Variants in GYPB observed in about 807,000 individuals in gnomAD.
GYPB encodes the protein glycophorin-B.
In GYPB, 13 loss-of-function variants were observed where a neutral mutation model predicts 15.3. The observed-to-expected ratio is 0.85, with a 90% CI of 0.55 to 1.35. The LOEUF is 1.35. Among genes scored for constraint, GYPB ranks in the 40% most tolerant of loss-of-function variants. The pLI is 0.00. For synonymous variants in GYPB, 38 were observed against 36.9 expected (o/e 1.03, Z -0.11); for missense variants, 131 against 108.3 (o/e 1.21, Z -0.93).
chr4:144,009,592 TTTTTC>T (rs1366446185), intron 1 of GYPB, among the ~76,000 whole-genome samples: 64 of 138,584 alleles, frequency 4.6e-4, no homozygotes, highest in Non-Finnish European at 8.3e-4. Context: ...ATTTTGATTT[TTTTTC>T]TTTCTTTTTT....
At chr4:143,997,917 G>A (rs1291741187) in intron 3 of GYPB, among the ~76,000 whole-genome samples, 1 of 151,274 alleles carries the variant, frequency 6.6e-6, no homozygotes, top group Non-Finnish European at 1.5e-5. Flanking sequence ...TTCTTCACTA[G>A]TGTAACTGTA....
chr4:144,001,254 T>A lies in GYPB; in HGVS notation c.67A>T (p.Thr23Ser), dbSNP rs189456867. Residue 23 changes from threonine to serine, a missense_variant, in exon 2 of 5, where the codon ACT becomes TCT. Physicochemically the swap from Thr to Ser is moderately conservative, Grantham distance 58. Transcript: ENST00000502664. ...GTTGAAGTGTGCATTGCCACCTCAGTGGTACTTAATGCTGATATGCTCACA... is the reference window on the plus strand; with the variant it reads ...GTTGAAGTGTGCATTGCCACCTCAGAGGTACTTAATGCTGATATGCTCACA... The part of the protein sequence containing the change: ...EIVSISALST[T>S]EVAMHTSTSS... The A allele has an allele frequency of 1.7e-3, 2,720 of 1,611,142 alleles. 205 individuals carry two copies. The African/African-American group carries it at 0.034, about 20-fold the overall frequency.
At chr4:143,999,776 TG>T (rs1158179056) in intron 2 of GYPB, among the ~76,000 whole-genome samples, 8 of 151,338 alleles carry the variant, frequency 5.3e-5, no homozygotes, top group Non-Finnish European at 7.4e-5. Context: ...TTTTAAAACA[TG>T]TAAAAAATAA....
At position 144,000,669 on chromosome 4, in the gene GYPB, A is replaced by T. The variant is rs971608740; in HGVS notation, c.136+516T>A. On this transcript the variant is annotated intron_variant, in intron 2 of 4. Coordinates refer to ENST00000502664, the MANE Select transcript of GYPB (RefSeq NM_002100.6). ...CAGCACCCAGCTTTGCTTATTGTTT[A>T]TCAGTCACTGAGAATGTGTGAGGCT... Among the ~76,000 whole-genome samples, 2 of 151,256 alleles carry T rather than the reference A, an allele frequency of 1.3e-5. 1 individual carries two copies. Among genetic ancestry groups the T allele is most frequent in the African/African-American group, 4.9e-5 (2 of 40,574 alleles).
intron 1 of GYPB, chr4:144,012,801 T>C (rs1369667079): frequency 6.6e-6 from 1 of 151,392 alleles, no homozygotes; most frequent in Non-Finnish European, 1.5e-5. Flanking sequence ...TATAGAAAAA[T>C]TAACTGATAA....
At chr4:144,002,463 G>A (rs1181298745) in intron 1 of GYPB, 10 of 484,922 alleles carry the variant, frequency 2.1e-5, no homozygotes, top group Non-Finnish European at 3.1e-5. Flanking sequence ...TGAATGTTCT[G>A]TGGTTTATAT....
intron 1 of GYPB, 102 bp from the exon 2 acceptor site, chr4:144,001,385 C>G: frequency 2.5e-6 from 4 of 1,589,014 alleles, no homozygotes; most frequent in Non-Finnish European, 3.4e-6. Flanking sequence ...CCTCCAGTCC[C>G]TGAGCTAAGC....
At chr4:143,996,788 AAC>A in intron 4 of GYPB, among the ~76,000 whole-genome samples, 1 of 76,152 alleles carries the variant, frequency 1.3e-5, no homozygotes, top group Non-Finnish European at 2.8e-5. Flanking sequence ...AAATTTAAAA[AAC>A]TTTAATGATT....
At chr4:144,004,922 G>T (rs546468608) in intron 1 of GYPB, among the ~76,000 whole-genome samples, 1 of 151,832 alleles carries the variant, frequency 6.6e-6, no homozygotes, top group Non-Finnish European at 1.5e-5. Context: ...AAACTGGGTA[G>T]AAAGCATTTA....
Position 143,999,859 on chromosome 4 carries a change from G to A in GYPB, c.137-410C>T, listed in dbSNP as rs146281810. 1.1e-3 allele frequency among the ~76,000 whole-genome samples: 164 copies of A among 151,592 alleles called. 5 individuals carry two copies. The highest frequency in any genetic ancestry group is 3.8e-3 in the African/African-American group (154 of 40,878). Reference sequence around the variant, plus strand: ...GTCCCATGCAAAGAAGGGTCATGCGGCTATCAATTTTCTGATTTATGCCAT... The same window carrying A: ...GTCCCATGCAAAGAAGGGTCATGCGACTATCAATTTTCTGATTTATGCCAT... On this transcript the variant is annotated intron_variant, in intron 2 of 4. Coordinates refer to ENST00000502664, the MANE Select transcript of GYPB (RefSeq NM_002100.6).
At chr4:144,001,091 G>C (rs938555335) in intron 2 of GYPB, 94 bp downstream of exon 2, 10 of 1,598,948 alleles carry the variant, frequency 6.3e-6, no homozygotes, top group Non-Finnish European at 8.5e-6. Context: ...CTCAGTGTTT[G>C]TCAGTTTCTC....
intron 1 of GYPB, among the ~76,000 whole-genome samples, chr4:144,004,178 G>T (rs1727763664): frequency 6.6e-6 from 1 of 151,790 alleles, no homozygotes; most frequent in Admixed American, 6.5e-5. Flanking sequence ...ACTTCTTATA[G>T]TCACCTAAAT....
At chr4:143,996,372 G>T in intron 4 of GYPB, 68 bp from the exon 5 acceptor site, 1 of 1,549,382 alleles carries the variant, frequency 6.5e-7, no homozygotes, top group Non-Finnish European at 8.7e-7. Flanking sequence ...CTCCACTTCA[G>T]CCTCTGATTG....
At chr4:144,013,313 T>A (rs1728317557) in intron 1 of GYPB, among the ~76,000 whole-genome samples, 1 of 150,968 alleles carries the variant, frequency 6.6e-6, no homozygotes, top group Admixed American at 6.6e-5. Context: ...ACTTTTACAC[T>A]GTTGGTGGGA....
At position 144,018,852 on chromosome 4, in the gene GYPB, C is replaced by T. The variant is rs373368552; in HGVS notation, c.37+399G>A. On this transcript the variant is annotated intron_variant, in intron 1 of 4. Coordinates refer to ENST00000502664, the MANE Select transcript of GYPB (RefSeq NM_002100.6). ...ATTTGGCAGAAATAGGAAATTACAC[C>T]TTTTGAAAACTAAAAGCCATATAGC... is the stretch of plus-strand genomic sequence containing the variant. Among the ~76,000 whole-genome samples the T allele has an allele frequency of 3.3e-5, 5 of 151,248 alleles. No individual in the cohort carries two copies. The East Asian group carries it at 9.7e-4, about 29-fold the overall frequency.
At chr4:144,010,783 G>A (rs1728176887) in intron 1 of GYPB, among the ~76,000 whole-genome samples, 1 of 151,374 alleles carries the variant, frequency 6.6e-6, no homozygotes, top group African/African-American at 2.5e-5. Flanking sequence ...TCTAGCTCCA[G>A]AAAGTCTAAG....
At chr4:144,005,812 C>A (rs1436448098) in intron 1 of GYPB, among the ~76,000 whole-genome samples, 1 of 151,628 alleles carries the variant, frequency 6.6e-6, no homozygotes, top group Non-Finnish European at 1.5e-5. Context: ...AAGACCTTAC[C>A]CCATGCCTAC....
intron 4 of GYPB, among the ~76,000 whole-genome samples, chr4:143,996,968 A>G (rs1172071756): frequency 2.0e-5 from 3 of 150,972 alleles, no homozygotes; most frequent in Non-Finnish European, 4.4e-5. Context: ...GTGCAGTAGC[A>G]TGATCACAGC....
chr4:144,012,872 G>A (rs1255100420), intron 1 of GYPB: 2 of 151,474 alleles, frequency 1.3e-5, no homozygotes, highest in Non-Finnish European at 2.9e-5. Context: ...AACATAGGGA[G>A]AAATTTTTAT....
Sources: allele counts gnomAD v4.1 joint callset (sites outside exome capture counted in the v4.1 genomes callset), GRCh38; gene constraint gnomAD v4.1.1; transcripts MANE v1.5; gene names NCBI Gene and HGNC (gene_info 2026-07-23, HGNC 2026-07-21).